PPFIBP2: variants seen among roughly 807,000 people sequenced by gnomAD.
PPFIBP2 encodes PPFIB scaffold protein 2.
Under a neutral mutation model 118.3 loss-of-function variants are expected in PPFIBP2, and 118 were observed. The observed-to-expected ratio is 1.00, with a 90% CI of 0.86 to 1.16. The LOEUF (loss-of-function observed/expected upper bound fraction) is 1.16, where lower values mean the gene tolerates loss of function less well. PPFIBP2 is among the 50% of genes most tolerant of loss of function. PPFIBP2 has a pLI of 0.00. For synonymous variants in PPFIBP2, 414 were observed against 397.4 expected (o/e 1.04, Z -0.50); for missense variants, 1,195 against 1,073.1 (o/e 1.11, Z -1.59).
chr11:7,596,150 C>T (rs1031444172), intron 4 of PPFIBP2, among the ~76,000 whole-genome samples: 2 of 152,158 alleles, frequency 1.3e-5, no homozygotes, highest in Non-Finnish European at 2.9e-5. Flanking sequence ...CACATGGCCT[C>T]AAGGCATGGT....
At chr11:7,534,106 T>G (rs1348571042) in intron 1 of PPFIBP2, among the ~76,000 whole-genome samples, 2 of 152,184 alleles carry the variant, frequency 1.3e-5, no homozygotes, top group Non-Finnish European at 2.9e-5. Flanking sequence ...TAGGACCTAT[T>G]CAGGGAGTTT....
At chr11:7,651,886 C>T (rs1565131584) in intron 23 of PPFIBP2, 42 bp downstream of exon 23, 1 of 1,555,632 alleles carries the variant, frequency 6.4e-7, no homozygotes, top group African/African-American at 1.4e-5. Flanking sequence ...GGGCTGCCTC[C>T]TGGCCCTCAC....
intron 1 of PPFIBP2, among the ~76,000 whole-genome samples, chr11:7,520,327 G>A (rs1476800468): frequency 6.6e-6 from 1 of 152,060 alleles, no homozygotes; most frequent in African/African-American, 2.4e-5. Context: ...CGGTTGGGGT[G>A]GGTATTTTCC....
intron 1 of PPFIBP2, among the ~76,000 whole-genome samples, chr11:7,524,426 G>A (rs1161620499): frequency 6.6e-6 from 1 of 152,180 alleles, no homozygotes; most frequent in African/African-American, 2.4e-5. Context: ...CCCACAGAAA[G>A]TTTCTTCCAC....
chr11:7,643,974 T>A (rs1241855191), intron 17 of PPFIBP2, among the ~76,000 whole-genome samples: 1 of 152,222 alleles, frequency 6.6e-6, no homozygotes, highest in Non-Finnish European at 1.5e-5. Flanking sequence ...TACACCCACA[T>A]CCTTGTCAGC....
chr11:7,574,510 C>T (rs576066803), intron 3 of PPFIBP2, among the ~76,000 whole-genome samples: 192 of 152,312 alleles, frequency 1.3e-3, no homozygotes, highest in African/African-American at 4.5e-3. Flanking sequence ...AACTCTTTTT[C>T]AGATAAAGAT....
intron 1 of PPFIBP2, among the ~76,000 whole-genome samples, chr11:7,531,076 G>T (rs1171822648): frequency 6.6e-6 from 1 of 152,148 alleles, no homozygotes; most frequent in Admixed American, 6.5e-5. Flanking sequence ...ACTTGGGCCT[G>T]CAGGGAAGGG....
intron 3 of PPFIBP2, among the ~76,000 whole-genome samples, chr11:7,569,719 C>T (rs1341015366): frequency 6.6e-6 from 1 of 152,112 alleles, no homozygotes; most frequent in East Asian, 1.9e-4. Context: ...GAAGGTAGTC[C>T]TTTACAACTG....
chr11:7,665,260 G>GCGAAGGTACATGGCAAGGCA, the PPFIBP2 span: 3 of 911,866 alleles, frequency 3.3e-6, no homozygotes, highest in Non-Finnish European at 4.9e-6. Context: ...CAGTGTGTGC[G>GCGAAGGTACATGGCAAGGCA]CGAAGGTACA....
chr11:7,552,015 C>T (rs1313397479), intron 2 of PPFIBP2, among the ~76,000 whole-genome samples: 1 of 152,206 alleles, frequency 6.6e-6, no homozygotes, highest in African/African-American at 2.4e-5. Flanking sequence ...CCTTAGTCCT[C>T]CATCTTGGAA....
chr11:7,624,197 C>T (rs1022418716), intron 7 of PPFIBP2, among the ~76,000 whole-genome samples: 7 of 152,130 alleles, frequency 4.6e-5, no homozygotes, highest in African/African-American at 1.4e-4. Flanking sequence ...AGCAGACACA[C>T]GGTGGTGGGT....
chr11:7,605,924 G>A, intron 5 of PPFIBP2: 1 of 1,525,596 alleles, frequency 6.6e-7, no homozygotes, highest in Non-Finnish European at 8.7e-7. Context: ...TGTTGGAGCT[G>A]AGGTCAAAGA....
At chr11:7,609,119 G>C (rs1326263185) in intron 5 of PPFIBP2, among the ~76,000 whole-genome samples, 1 of 152,202 alleles carries the variant, frequency 6.6e-6, no homozygotes, top group Non-Finnish European at 1.5e-5. Flanking sequence ...CTGTTGGCCT[G>C]GGGAATCATG....
At chr11:7,563,489 A>G (rs1194706931) in intron 2 of PPFIBP2, among the ~76,000 whole-genome samples, 1 of 152,162 alleles carries the variant, frequency 6.6e-6, no homozygotes, top group East Asian at 1.9e-4. Context: ...ATGCATTTTC[A>G]GAAAGCAAAC....
intron 15 of PPFIBP2, 89 bp downstream of exon 15, chr11:7,639,959 A>G (rs1200371407): frequency 1.3e-6 from 2 of 1,490,878 alleles, no homozygotes; most frequent in Non-Finnish European, 1.8e-6. Flanking sequence ...CTACCACCAC[A>G]ATCCACAATT....
chr11:7,625,817 A>T lies in PPFIBP2; in HGVS notation c.752A>T (p.Asp251Val). The T allele has an allele frequency of 6.2e-7, 1 of 1,614,220 alleles. No individual in the cohort carries two copies. Among genetic ancestry groups the T allele is most frequent in the South Asian group, 1.1e-5 (1 of 91,084 alleles). The change falls in exon 8 of 24, where the codon GAT (aspartate) becomes GTT (valine). Residue 251 changes from aspartate to valine, a missense_variant. Asp to Val is a radical substitution (Grantham distance 152, BLOSUM62 -3). Transcript: ENST00000299492. The stretch of plus-strand genomic sequence containing the variant: ...CTGCAAGAACAGGTGGCCCTGAAAG[A>T]TGCAGAAATTGAGCGTCTGCACAGC... ...AQLQEQVALK[D>V]AEIERLHSQL...
At chr11:7,558,579 C>T (rs1448776958) in intron 2 of PPFIBP2, among the ~76,000 whole-genome samples, 1 of 152,036 alleles carries the variant, frequency 6.6e-6, no homozygotes. Context: ...TATGGCAAAA[C>T]CCCGTCTCTA....
At chr11:7,517,568 A>G (rs1320089503) in intron 1 of PPFIBP2, among the ~76,000 whole-genome samples, 3 of 254 alleles carry the variant, frequency 0.012, no homozygotes, top group Non-Finnish European at 0.018. Flanking sequence ...AGAGTTGGGA[A>G]TGAGACCAGG....
intron 22 of PPFIBP2, chr11:7,651,205 G>C: frequency 2.3e-6 from 1 of 436,132 alleles, no homozygotes; most frequent in Admixed American, 3.5e-5. Flanking sequence ...ATTCTAGGTC[G>C]ATGGGTTGCA....
Sources: gnomAD v4.1 joint callset for allele counts (sites outside exome capture counted in the v4.1 genomes callset) on GRCh38, gnomAD v4.1.1 for gene constraint, MANE v1.5 for transcripts, NCBI Gene and HGNC (gene_info 2026-07-23, HGNC 2026-07-21) for gene names.